GGA2: variants seen among roughly 807,000 people sequenced by gnomAD.
GGA2 encodes the protein golgi associated, gamma adaptin ear containing, ARF binding protein 2.
Under a neutral mutation model 79.5 loss-of-function variants are expected in GGA2, and 48 were observed. The ratio of observed to expected loss-of-function variants is 0.60; its 90% confidence interval spans 0.48 to 0.77. GGA2 has a LOEUF of 0.77. GGA2 is among the 30% of genes least tolerant of loss of function. GGA2 has a pLI of 0.00. For synonymous variants in GGA2, 317 were observed against 302.0 expected (o/e 1.05, Z -0.51); for missense variants, 770 against 774.0 (o/e 0.99, Z 0.06).
intron 15 of GGA2, chr16:23,469,653 C>T (rs1177078362): frequency 3.6e-5 from 6 of 165,974 alleles, no homozygotes; most frequent in South Asian, 1.9e-4. Context: ...GCTTCATGCC[C>T]GGTGAGAGTT....
Position 23,510,387 on chromosome 16 carries a change from C to T in GGA2, c.25G>A (p.Ala9Thr), listed in dbSNP as rs766109591. MAATAVAAAVAGTESAQGP... is the reference protein window; with the variant it reads MAATAVAATVAGTESAQGP... Reference sequence around the variant, plus strand: ...TGGGCCGACTCGGTTCCCGCCACAGCCGCCGCCACCGCGGTCGCCGCCATC... The same window carrying T: ...TGGGCCGACTCGGTTCCCGCCACAGTCGCCGCCACCGCGGTCGCCGCCATC... Residue 9 changes from alanine to threonine, a missense_variant, in exon 1 of 17, where the codon GCT becomes ACT. By Grantham distance (58) the Ala-to-Thr change is moderately conservative. Transcript: ENST00000309859. 7 of 1,398,878 alleles carry T rather than the reference C, an allele frequency of 5.0e-6. No individual in the cohort carries two copies. In the South Asian group the frequency reaches 5.9e-5, roughly 12 times the overall value. 86.7% of individuals were successfully genotyped at this position (1,398,878 alleles called of 1,614,324 possible).
At position 23,470,025 on chromosome 16, in the gene GGA2, C is replaced by T. The variant is rs992901147; in HGVS notation, c.1591G>A (p.Asp531Asn). 24 of 1,580,560 alleles carry T rather than the reference C, an allele frequency of 1.5e-5. No individual in the cohort carries two copies. Among genetic ancestry groups the T allele is most frequent in the Non-Finnish European group, 1.9e-5 (22 of 1,163,708 alleles). ...MMSTAPQPVW[D>N]IMFQVAVPKS... ...GGCACAGCCACTTGAAACATGATAT[C>T]CCAGACAGGCTGGGGAGCCGTGCTC... The change falls in exon 15 of 17, where the codon GAT becomes AAT. Residue 531 changes from aspartate (D) to asparagine (N), a missense_variant. Coordinates refer to ENST00000309859, the MANE Select transcript of GGA2 (RefSeq NM_015044.4).
chr16:23,494,157 CT>C, intron 3 of GGA2, 145 bp downstream of exon 3: 2 of 647,680 alleles, frequency 3.1e-6, no homozygotes, highest in South Asian at 3.7e-5. Flanking sequence ...TGGCCCAGAT[CT>C]CCCTCCTCCA....
chr16:23,478,024 C>A (rs1481081467), intron 13 of GGA2, among the ~76,000 whole-genome samples: 2 of 148,668 alleles, frequency 1.3e-5, no homozygotes, highest in African/African-American at 5.1e-5. Context: ...GAAACCCCGT[C>A]TCTACTAAAA....
Position 23,466,316 on chromosome 16 carries a change from G to A in GGA2, c.*1274C>T, listed in dbSNP as rs1193949560. The A allele has an allele frequency of 6.6e-6, 1 of 152,184 alleles. No individual in the cohort carries two copies. Among genetic ancestry groups the A allele is most frequent in the African/African-American group, 2.4e-5 (1 of 41,444 alleles). 9.4% of individuals were successfully genotyped at this position (152,184 alleles called of 1,614,324 possible). On this transcript the variant is annotated 3_prime_UTR_variant, in exon 17 of 17. Transcript: ENST00000309859. Reference sequence around the variant, plus strand: ...TTCCTTCTCCCACCCATCAGGCCAAGCAGGACTTGTCAAACATACACATTC... The same window carrying A: ...TTCCTTCTCCCACCCATCAGGCCAAACAGGACTTGTCAAACATACACATTC...
Position 23,464,974 on chromosome 16 carries a change from G to C in GGA2, c.*2616C>G, listed in dbSNP as rs1400604400. Reference sequence around the variant, plus strand: ...TCACACTTAAGAGACAGAGGAAAAAGAGCAGTCACGGAGGTAGGTCACGAA... The same window carrying C: ...TCACACTTAAGAGACAGAGGAAAAACAGCAGTCACGGAGGTAGGTCACGAA... On this transcript the variant is annotated 3_prime_UTR_variant, in exon 17 of 17. Coordinates refer to ENST00000309859, the MANE Select transcript of GGA2 (RefSeq NM_015044.4). 3.9e-6 allele frequency: 1 copy of C among 256,366 alleles called. No individual in the cohort carries two copies. The highest frequency in any genetic ancestry group is 2.2e-5 in the African/African-American group (1 of 45,962). The allele number at this position is 256,366 out of a possible 1,614,324, so 15.9% of individuals were successfully genotyped here.
chr16:23,504,868 G>A (rs533293591), intron 1 of GGA2, among the ~76,000 whole-genome samples: 154 of 152,330 alleles, frequency 1.0e-3, no homozygotes, highest in African/African-American at 3.6e-3. Context: ...TTCATTTCAA[G>A]CGTGCTACAG....
intron 1 of GGA2, among the ~76,000 whole-genome samples, chr16:23,505,091 G>T (rs540538141): frequency 6.6e-6 from 1 of 152,304 alleles, no homozygotes; most frequent in Non-Finnish European, 1.5e-5. Context: ...CAATCCTTCA[G>T]CAGTCCACGC....
chr16:23,494,820 G>A (rs899079591), intron 2 of GGA2, among the ~76,000 whole-genome samples: 4 of 152,206 alleles, frequency 2.6e-5, no homozygotes, highest in Admixed American at 1.3e-4. Context: ...AGTGGCTCAC[G>A]CCTGTAATCC....
At position 23,472,982 on chromosome 16, in the gene GGA2, G is replaced by A. The variant is rs894146606; in HGVS notation, c.1450+1922C>T. 1.5e-4 allele frequency among the ~76,000 whole-genome samples: 21 copies of A among 140,574 alleles called. No individual in the cohort carries two copies. The East Asian group carries it at 1.7e-3, about 11-fold the overall frequency. The allele number at this position is 140,574 out of a possible 152,430, so 92.2% of individuals were successfully genotyped here. On this transcript the variant is annotated intron_variant, in intron 14 of 16. Transcript: ENST00000309859. ...CAGGAGGTGAAGCTTGCAGTGAGCC[G>A]AGATCATGCTGCTACACTCCAGCCT...
At position 23,491,796 on chromosome 16, in the gene GGA2, A is replaced by C; in HGVS notation, c.356T>G (p.Leu119Arg). Reference sequence around the variant, plus strand: ...AACTTTTCCTGTGGCCCAGGACCCCAGGTACTGAAAGTAAAAAGGAAAGAG... The same window carrying C: ...AACTTTTCCTGTGGCCCAGGACCCCCGGTACTGAAAGTAAAAAGGAAAGAG... Reference protein sequence around the residue: ...ELIKVLSPKYLGSWATGKVKG... With the variant: ...ELIKVLSPKYRGSWATGKVKG... Residue 119 changes from leucine (L) to arginine (R), a missense_variant, in exon 5 of 17, where the codon CTG becomes CGG. Coordinates refer to ENST00000309859, the MANE Select transcript of GGA2 (RefSeq NM_015044.4). 3 of 1,606,910 alleles carry C rather than the reference A, an allele frequency of 1.9e-6. No homozygotes were observed. The highest frequency in any genetic ancestry group is 2.6e-6 in the Non-Finnish European group (3 of 1,173,894).
chr16:23,520,885 G>A (rs1442500812), intron 1 of GGA2, among the ~76,000 whole-genome samples: 1 of 152,052 alleles, frequency 6.6e-6, no homozygotes, highest in East Asian at 1.9e-4. Flanking sequence ...CGTTCTGTGG[G>A]GGTTCAAGTA....
intron 8 of GGA2, among the ~76,000 whole-genome samples, chr16:23,483,484 G>C (rs991825531): frequency 2.0e-5 from 3 of 152,190 alleles, no homozygotes; most frequent in Non-Finnish European, 2.9e-5. Flanking sequence ...CGTGGAGGCT[G>C]GCTCTCCTCC....
At chr16:23,471,973 T>C (rs1287069646) in intron 14 of GGA2, among the ~76,000 whole-genome samples, 1 of 151,936 alleles carries the variant, frequency 6.6e-6, no homozygotes, top group Non-Finnish European at 1.5e-5. Context: ...TTTAAGAGAC[T>C]GAAAATACCA....
At chr16:23,521,906 G>A (rs1965146942) in exon 1 of GGA2, 4 of 444,244 alleles carry the variant, frequency 9.0e-6, no homozygotes, top group South Asian at 6.3e-5. Context: ...GCACAGATCT[G>A]AGTTTAAATC....
At chr16:23,468,847 G>A (rs942300224) in intron 16 of GGA2, 39 bp downstream of exon 16, 1 of 1,272,188 alleles carries the variant, frequency 7.9e-7, no homozygotes, top group African/African-American at 1.5e-5. Flanking sequence ...ACAGTTCAGG[G>A]GCCCCCATCT....
intron 1 of GGA2, 55 bp downstream of exon 1, chr16:23,510,266 G>A: frequency 1.7e-6 from 2 of 1,178,958 alleles, no homozygotes; most frequent in Non-Finnish European, 2.3e-6. Flanking sequence ...GAGGCGGGAA[G>A]CGAGGCCTCA....
In GGA2 at chr16:23,467,668, G is replaced by T. The variant is rs142107518; in HGVS notation, c.1764C>A (p.Phe588Leu). The change falls in exon 17 of 17, where the codon TTC becomes TTA. Residue 588 changes from phenylalanine to leucine, a missense_variant. Transcript: ENST00000309859. ...EPIRLRYKLTFNQGGQPFSEV... is the reference protein window; with the variant it reads ...EPIRLRYKLTLNQGGQPFSEV... The stretch of plus-strand genomic sequence containing the variant: ...CGCTGAAAGGCTGTCCACCTTGGTT[G>T]AATGTCAGCTTGTACCGTAAGCGGA... 2.0e-5 allele frequency: 32 copies of T among 1,605,072 alleles called. No homozygotes were observed. The highest frequency in any genetic ancestry group is 1.7e-4 in the Admixed American group (10 of 59,984).
At chr16:23,486,635 G>T in intron 7 of GGA2, 75 bp downstream of exon 7, 1 of 878,864 alleles carries the variant, frequency 1.1e-6, no homozygotes. Flanking sequence ...TACCCCTCAA[G>T]CATAGGCTCA....
Sources: allele counts gnomAD v4.1 joint callset (sites outside exome capture counted in the v4.1 genomes callset), GRCh38; gene constraint gnomAD v4.1.1; transcripts MANE v1.5; gene names NCBI Gene and HGNC (gene_info 2026-07-23, HGNC 2026-07-21).